VAC14: variants seen among roughly 807,000 people sequenced by gnomAD.
The protein encoded by VAC14 is protein VAC14 homolog.
Under a neutral mutation model 85.3 loss-of-function variants are expected in VAC14, and 47 were observed. That is an observed-to-expected ratio of 0.55 (90% CI 0.44 to 0.70). The LOEUF is 0.70. Among genes scored for constraint, VAC14 ranks in the 30% least tolerant of loss-of-function variants. The probability of loss-of-function intolerance (pLI) is 0.00; values close to 1 mark genes in which losing one functional copy is unlikely to be tolerated. For missense variants in VAC14, 861 were observed against 1,004.3 expected, an observed-to-expected ratio of 0.86 and a Z score of 1.93; for synonymous variants, 447 against 430.5, an observed-to-expected ratio of 1.04 and a Z score of -0.47.
intron 13 of VAC14, among the ~76,000 whole-genome samples, chr16:70,733,249 T>C (rs2054647557): frequency 6.6e-6 from 1 of 152,204 alleles, no homozygotes; most frequent in Non-Finnish European, 1.5e-5. Flanking sequence ...GGTGGCTTTT[T>C]TCACTCAGCA....
rs1293412449 is a variant in VAC14, at chr16:70,731,719, A to G, written c.1529-92T>C. 4 of 1,382,896 alleles carry G rather than the reference A, an allele frequency of 2.9e-6. No individual in the cohort carries two copies. In the East Asian group the frequency reaches 9.3e-5, roughly 32 times the overall value. 85.7% of individuals were successfully genotyped at this position (1,382,896 alleles called of 1,614,324 possible). A position where few individuals can be genotyped will look rare whatever the true frequency, so the allele number is the denominator to read the frequency against. ...CAGAATATAAACAACTATAAATGCC[A>G]AAAAGATGTGTGTGGGGGGTGTTAT... On this transcript the variant is annotated intron_variant, in intron 13 of 18. Transcript: ENST00000261776.
intron 17 of VAC14, among the ~76,000 whole-genome samples, 158 bp downstream of exon 17, chr16:70,695,386 A>AT (rs1337838861): frequency 3.3e-5 from 5 of 152,146 alleles, no homozygotes; most frequent in Non-Finnish European, 5.9e-5. Context: ...TGCTGGGATT[A>AT]TAAGTCTCAC....
chr16:70,711,927 G>A lies in VAC14; in HGVS notation c.1662-13116C>T, dbSNP rs553391776. Among the ~76,000 whole-genome samples, 292 of 152,316 alleles carry A rather than the reference G, an allele frequency of 1.9e-3. 1 individual carries two copies. Among genetic ancestry groups the A allele is most frequent in the South Asian group, 2.9e-3 (14 of 4,820 alleles). On this transcript the variant is annotated intron_variant, in intron 14 of 18. Transcript: ENST00000261776. The stretch of plus-strand genomic sequence containing the variant: ...TCAGAGCAGCCTCACGGCGGCCTCT[G>A]AGAGGCCGGTAAAAAGATCAGAGTC...
chr16:70,691,654 C>A, intron 18 of VAC14: 2 of 985,486 alleles, frequency 2.0e-6, no homozygotes, highest in Non-Finnish European at 2.4e-6. Context: ...CTGCAGGGCA[C>A]TGCCTTCTGG....
chr16:70,786,574 T>G, intron 1 of VAC14: 1 of 601,176 alleles, frequency 1.7e-6, no homozygotes, highest in Non-Finnish European at 2.8e-6. Context: ...TACAATGGAA[T>G]AAGGAACAGT....
chr16:70,769,040 T>G (rs1385352487), intron 10 of VAC14: 4 of 257,582 alleles, frequency 1.6e-5, no homozygotes, highest in African/African-American at 2.4e-5. Flanking sequence ...GATCTCGAAC[T>G]CCTGACCTCA....
rs796503199 is a variant in VAC14 at position 70,733,586 on chromosome 16, AG to A, written c.1529-1960del. Among the ~76,000 whole-genome samples, 47 of 152,134 alleles carry A rather than the reference AG, an allele frequency of 3.1e-4. 1 individual carries two copies. The highest frequency in any genetic ancestry group is 9.9e-4 in the African/African-American group (41 of 41,470). ...GCACCATCCCCTTAGTGTTACTTTG[AG>A]ACAGCAAGTTCTGCTGAGATCTGGC... On this transcript the variant is annotated intron_variant, in intron 13 of 18. Transcript: ENST00000261776.
intron 1 of VAC14, among the ~76,000 whole-genome samples, chr16:70,794,935 GATA>G (rs953494065): frequency 6.6e-6 from 1 of 152,338 alleles, no homozygotes; most frequent in African/African-American, 2.4e-5. Context: ...CCCGTAAGAT[GATA>G]ATGTTATATT....
chr16:70,755,990 T>A (rs1239987612), intron 12 of VAC14: 2 of 456,492 alleles, frequency 4.4e-6, no homozygotes, highest in Non-Finnish European at 8.8e-6. Context: ...GTCCGTGTCA[T>A]CAAGAATTAA....
chr16:70,690,802 C>G (rs1050247964), intron 18 of VAC14: 5 of 985,440 alleles, frequency 5.1e-6, no homozygotes, highest in African/African-American at 3.5e-5. Context: ...TCTGAAGTCC[C>G]CTGGCATGCC....
chr16:70,771,327 C>G (rs749786603), intron 10 of VAC14: 1 of 152,076 alleles, frequency 6.6e-6, no homozygotes, highest in Non-Finnish European at 1.5e-5. Flanking sequence ...CTCCTGGGGC[C>G]GGTGATTTAT....
At chr16:70,796,510 C>T (rs1030282555) in intron 1 of VAC14, among the ~76,000 whole-genome samples, 7 of 152,252 alleles carry the variant, frequency 4.6e-5, no homozygotes, top group Admixed American at 1.3e-4. Context: ...GCAGTGGGGA[C>T]GTCTTCTGAG....
intron 13 of VAC14, among the ~76,000 whole-genome samples, chr16:70,731,931 A>G (rs2054603137): frequency 6.6e-6 from 1 of 152,208 alleles, no homozygotes; most frequent in African/African-American, 2.4e-5. Flanking sequence ...CTTAGTGAAC[A>G]TCTCATGTGT....
At chr16:70,691,845 C>T (rs1307009853) in intron 18 of VAC14, 1 of 985,282 alleles carries the variant, frequency 1.0e-6, no homozygotes, top group Non-Finnish European at 1.2e-6. Flanking sequence ...GGGCACAGGG[C>T]CTCCGGGCAG....
intron 17 of VAC14, among the ~76,000 whole-genome samples, chr16:70,693,324 C>T (rs909326021): frequency 2.0e-4 from 31 of 152,238 alleles, no homozygotes; most frequent in African/African-American, 6.0e-4. Context: ...GCCCCCCGCT[C>T]AGCTGCCTCC....
At chr16:70,694,719 G>A (rs911810539) in intron 17 of VAC14, among the ~76,000 whole-genome samples, 3 of 152,236 alleles carry the variant, frequency 2.0e-5, no homozygotes, top group Non-Finnish European at 4.4e-5. Flanking sequence ...AAGTGTGTAT[G>A]TTGAGGTGCT....
intron 1 of VAC14, 38 bp downstream of exon 1, chr16:70,800,759 G>A (rs1596985245): frequency 2.5e-6 from 4 of 1,569,656 alleles, no homozygotes; most frequent in Non-Finnish European, 3.5e-6. Context: ...GAGCAGTCAG[G>A]GGCTGCATAG....
At chr16:70,750,337 G>C (rs751650550) in intron 12 of VAC14, among the ~76,000 whole-genome samples, 3 of 152,096 alleles carry the variant, frequency 2.0e-5, no homozygotes, top group Non-Finnish European at 4.4e-5. Context: ...TAAAACACTT[G>C]TGCTTTCTTT....
intron 17 of VAC14, among the ~76,000 whole-genome samples, chr16:70,694,125 G>A (rs776316832): frequency 1.3e-5 from 2 of 152,224 alleles, no homozygotes; most frequent in Non-Finnish European, 2.9e-5. Context: ...GGTGTTGGGC[G>A]AGACCAGGGT....
Sources: allele counts gnomAD v4.1 joint callset (sites outside exome capture counted in the v4.1 genomes callset), GRCh38; gene constraint gnomAD v4.1.1; transcripts MANE v1.5; gene names NCBI Gene and HGNC (gene_info 2026-07-23, HGNC 2026-07-21).